AASDH: variants seen among roughly 807,000 people sequenced by gnomAD.
AASDH encodes the protein beta-alanine-activating enzyme.
A neutral mutation model predicts 102.3 loss-of-function variants in AASDH; 81 were observed. The ratio of observed to expected loss-of-function variants is 0.79; its 90% CI spans 0.66 to 0.95. The LOEUF (loss-of-function observed/expected upper bound fraction) is 0.95, where lower values mean the gene tolerates loss of function less well. Ranked by LOEUF, AASDH falls within the 40% of genes least tolerant of loss-of-function variation. The probability of loss-of-function intolerance (pLI) is 0.00; values close to 1 mark genes in which losing one functional copy is unlikely to be tolerated. For synonymous variants in AASDH, 398 were observed against 454.0 expected (o/e 0.88, Z 1.57); for missense variants, 1,203 against 1,266.2 (o/e 0.95, Z 0.76).
intron 5 of AASDH, among the ~76,000 whole-genome samples, chr4:56,370,250 C>G (rs966977402): frequency 1.5e-4 from 23 of 152,074 alleles, no homozygotes; most frequent in African/African-American, 4.8e-4. Flanking sequence ...GTAATCCCAG[C>G]TACTCAGGAG....
At chr4:56,378,013 C>T (rs1752546941) in intron 4 of AASDH, 135 bp downstream of exon 4, 21 of 816,734 alleles carry the variant, frequency 2.6e-5, no homozygotes, top group Non-Finnish European at 1.1e-5. Flanking sequence ...ACCATGTTGG[C>T]CAGGCTGATC....
intron 14 of AASDH, among the ~76,000 whole-genome samples, chr4:56,339,017 T>C (rs1430729028): frequency 6.6e-6 from 1 of 152,212 alleles, no homozygotes; most frequent in Non-Finnish European, 1.5e-5. Flanking sequence ...GTGTTGTTAC[T>C]ATGTGATTCA....
intron 5 of AASDH, among the ~76,000 whole-genome samples, chr4:56,363,988 A>G (rs528050216): frequency 6.6e-6 from 1 of 152,314 alleles, no homozygotes; most frequent in South Asian, 2.1e-4. Flanking sequence ...AAATTAGACA[A>G]ATGGCTAACT....
At chr4:56,371,341 C>A in intron 5 of AASDH, 110 bp downstream of exon 5, 2 of 1,132,768 alleles carry the variant, frequency 1.8e-6, no homozygotes, top group East Asian at 2.8e-5. Flanking sequence ...GATAATCTAA[C>A]CAGATTATAT....
intron 4 of AASDH, among the ~76,000 whole-genome samples, chr4:56,376,864 G>A (rs1292757525): frequency 8.6e-5 from 13 of 151,608 alleles, no homozygotes; most frequent in African/African-American, 2.7e-4. Flanking sequence ...TCAGGAGATC[G>A]AGACCATCCC....
intron 11 of AASDH, among the ~76,000 whole-genome samples, chr4:56,346,426 A>G (rs1748336292): frequency 6.6e-6 from 1 of 152,158 alleles, no homozygotes; most frequent in South Asian, 2.1e-4. Flanking sequence ...TTTAATTCCA[A>G]AAGACAATAC....
chr4:56,355,378 A>C lies in AASDH; in HGVS notation c.907T>G (p.Ser303Ala). ...GAAGTAGTGGCTGACAAAACAGTTGACTTGATAAGCTGAGATCCAAATCTT... is the reference window on the plus strand; with the variant it reads ...GAAGTAGTGGCTGACAAAACAGTTGCCTTGATAAGCTGAGATCCAAATCTT... ...LRRFGSQLIK[S>A]TVLSATTSLR... Residue 303 changes from serine to alanine, a missense_variant, in exon 6 of 15, where the codon TCA (serine) becomes GCA (alanine). Ser to Ala is a moderately conservative substitution (Grantham distance 99, BLOSUM62 1). Transcript: ENST00000205214. 3.7e-6 allele frequency: 6 copies of C among 1,614,088 alleles called. No homozygotes were observed. The highest frequency in any genetic ancestry group is 5.1e-6 in the Non-Finnish European group (6 of 1,179,960).
chr4:56,378,550 T>C (rs903873916), intron 3 of AASDH, 86 bp from the exon 4 acceptor site: 8 of 1,144,548 alleles, frequency 7.0e-6, no homozygotes, highest in South Asian at 1.7e-5. Context: ...AATACAGTCA[T>C]CCCTCAGTAT....
intron 5 of AASDH, among the ~76,000 whole-genome samples, chr4:56,355,956 GAAA>G (rs934191699): frequency 3.9e-5 from 6 of 151,942 alleles, no homozygotes; most frequent in Admixed American, 1.3e-4. Context: ...TTATGCTTTA[GAAA>G]AAAACTCAAG....
At chr4:56,358,423 A>G (rs906703593) in intron 5 of AASDH, among the ~76,000 whole-genome samples, 1 of 149,406 alleles carries the variant, frequency 6.7e-6, no homozygotes, top group Non-Finnish European at 1.5e-5. Flanking sequence ...CTTGTTCCCA[A>G]TCTTAGGGTC....
At chr4:56,355,603 T>G (rs1345084720) in intron 5 of AASDH, among the ~76,000 whole-genome samples, 180 bp from the exon 6 acceptor site, 1 of 150,064 alleles carries the variant, frequency 6.7e-6, no homozygotes, top group Non-Finnish European at 1.5e-5. Flanking sequence ...GTTTTTTTTT[T>G]TTTTTTTTTT....
In AASDH at chr4:56,345,170, T is replaced by C; in HGVS notation, c.2609A>G (p.Tyr870Cys). Residue 870 changes from tyrosine (Y) to cysteine (C), a missense_variant, in exon 12 of 15, where the codon TAC becomes TGC. Tyr to Cys is a radical substitution (Grantham distance 194, BLOSUM62 -2). Transcript: ENST00000205214. ...TGCGTGCTGGTCATGAGATCCAATG[T>C]AAATGAGTCCTGTGGTTGGATCCAT... ...ATMDPTTGLI[Y>C]IGSHDQHAYA... The C allele has an allele frequency of 6.2e-7, 1 of 1,614,146 alleles. No individual in the cohort carries two copies. Among genetic ancestry groups the C allele is most frequent in the Non-Finnish European group, 8.5e-7 (1 of 1,180,008 alleles).
chr4:56,370,879 A>T, intron 5 of AASDH, among the ~76,000 whole-genome samples: 1 of 152,322 alleles, frequency 6.6e-6, no homozygotes, highest in South Asian at 2.1e-4. Context: ...TGCATATAAT[A>T]TTGCTAATTC....
chr4:56,350,229 C>T (rs1748843866), intron 10 of AASDH, among the ~76,000 whole-genome samples, 171 bp from the exon 11 acceptor site: 1 of 152,190 alleles, frequency 6.6e-6, no homozygotes, highest in Non-Finnish European at 1.5e-5. Context: ...CCAAGGCGGG[C>T]AGATCACATG....
rs560384959 is a variant in AASDH at position 56,356,556 on chromosome 4, A to G, written c.862-1133T>C. On this transcript the variant is annotated intron_variant, in intron 5 of 14. Coordinates refer to ENST00000205214, the MANE Select transcript of AASDH (RefSeq NM_181806.4). The stretch of plus-strand genomic sequence containing the variant: ...ACCTGTCCTTCGAGCAGGAGTTAAC[A>G]CCATCAACACCTTGGTGGAGAACAA... 9.5e-4 allele frequency: 730 copies of G among 772,458 alleles called. 14 individuals are homozygous for G. In the South Asian group the frequency reaches 0.01, roughly 11 times the overall value. 47.9% of individuals were successfully genotyped at this position (772,458 alleles called of 1,614,324 possible).
chr4:56,345,395 G>A, intron 11 of AASDH, 105 bp from the exon 12 acceptor site: 1 of 1,073,582 alleles, frequency 9.3e-7, no homozygotes, highest in African/African-American at 1.6e-5. Flanking sequence ...CTTATACATA[G>A]GCTCTATGAT....
intron 11 of AASDH, 186 bp downstream of exon 11, chr4:56,349,077 T>TA: frequency 1.6e-6 from 1 of 632,576 alleles, no homozygotes; most frequent in Non-Finnish European, 2.7e-6. Context: ...GCTATACAGG[T>TA]AGGTTCAAAT....
chr4:56,373,285 A>G (rs1277431703), intron 4 of AASDH, among the ~76,000 whole-genome samples: 2 of 152,028 alleles, frequency 1.3e-5, no homozygotes, highest in Non-Finnish European at 2.9e-5. Flanking sequence ...GATTACAGGC[A>G]TGCACCACCA....
Position 56,360,275 on chromosome 4 carries a change from G to A in AASDH, c.862-4852C>T, listed in dbSNP as rs530932030. Among the ~76,000 whole-genome samples, 11 of 152,300 alleles carry A rather than the reference G, an allele frequency of 7.2e-5. No homozygotes were observed. In the South Asian group the frequency reaches 2.3e-3, roughly 32 times the overall value. On this transcript the variant is annotated intron_variant, in intron 5 of 14. Transcript: ENST00000205214. Reference sequence around the variant, plus strand: ...TTCACATGAGTGCAACCTCAGCCAGGAATATGCTTATCCCACCACCACTGC... The same window carrying A: ...TTCACATGAGTGCAACCTCAGCCAGAAATATGCTTATCCCACCACCACTGC...
Sources: gnomAD v4.1 joint callset for allele counts (sites outside exome capture counted in the v4.1 genomes callset) on GRCh38, gnomAD v4.1.1 for gene constraint, MANE v1.5 for transcripts, NCBI Gene and HGNC (gene_info 2026-07-23, HGNC 2026-07-21) for gene names.